TRPC6: variants seen among roughly 807,000 people sequenced by gnomAD.
TRPC6 encodes the protein short transient receptor potential channel 6.
Under a neutral mutation model 90.7 loss-of-function variants are expected in TRPC6, and 55 were observed. That is an observed-to-expected ratio of 0.61 (90% CI 0.49 to 0.76). The LOEUF (loss-of-function observed/expected upper bound fraction) is 0.76, where lower values mean the gene tolerates loss of function less well. TRPC6 is among the 30% of genes least tolerant of loss of function. The pLI is 0.00. For synonymous variants in TRPC6, 393 were observed against 393.0 expected, an observed-to-expected ratio of 1.00 and a Z score of 0.00; for missense variants, 989 against 1,122.7, an observed-to-expected ratio of 0.88 and a Z score of 1.70.
intron 1 of TRPC6, among the ~76,000 whole-genome samples, chr11:101,572,856 CA>C (rs1476623471): frequency 6.6e-6 from 1 of 151,974 alleles, no homozygotes; most frequent in East Asian, 1.9e-4. Flanking sequence ...TGGGGCCTTT[CA>C]GGGGGTGAGG....
intron 1 of TRPC6, among the ~76,000 whole-genome samples, chr11:101,553,551 C>G (rs75573205): frequency 0.017 from 2,562 of 152,120 alleles, 36 homozygotes; most frequent in Non-Finnish European, 0.022. Context: ...AATGTTAGTC[C>G]CGTGCCTTTG....
At chr11:101,515,257 C>T (rs1359970950) in intron 1 of TRPC6, among the ~76,000 whole-genome samples, 1 of 152,168 alleles carries the variant, frequency 6.6e-6, no homozygotes, top group East Asian at 1.9e-4. Context: ...ACATCTGCAC[C>T]ATGTGTCCAA....
chr11:101,451,687 G>C lies in TRPC6; in HGVS notation c.*1268C>G, dbSNP rs1211100417. ...TGATCTGGTTACATAAATGTTCTTT[G>C]ATTTAAATTAAGCCAAAGTTGGAGC... On this transcript the variant is annotated 3_prime_UTR_variant, in exon 13 of 13. Coordinates refer to ENST00000344327, the MANE Select transcript of TRPC6 (RefSeq NM_004621.6). 1 of 152,076 alleles carries C rather than the reference G, an allele frequency of 6.6e-6. No individual in the cohort carries two copies. 9.4% of individuals were successfully genotyped at this position (152,076 alleles called of 1,614,324 possible).
chr11:101,504,720 T>C lies in TRPC6; in HGVS notation c.249A>G (p.Gly83=), dbSNP rs1213187189. The C allele has an allele frequency of 1.3e-6, 2 of 1,594,142 alleles. No individual in the cohort carries two copies. The highest frequency in any genetic ancestry group is 2.2e-5 in the East Asian group (1 of 44,738). The part of the protein sequence containing the change: ...REKGRRLANR[G]PAYMFSDRST... ...AGCGATCACTAAACATGTATGCTGG[T>C]CCTCGATTAGCTAACCTTCTCCCCT... Residue 83 remains glycine (G), a synonymous_variant, in exon 2 of 13, where the codon GGA becomes GGG. Coordinates refer to ENST00000344327, the MANE Select transcript of TRPC6 (RefSeq NM_004621.6).
At position 101,491,240 on chromosome 11, in the gene TRPC6, A is replaced by G. The variant is rs371037192; in HGVS notation, c.1128+316T>C. 2.9e-3 allele frequency: 880 copies of G among 305,226 alleles called. 11 individuals are homozygous for G. Among genetic ancestry groups the G allele is most frequent in the South Asian group, 0.017 (582 of 33,854 alleles). The allele number at this position is 305,226 out of a possible 1,614,324, so 18.9% of individuals were successfully genotyped here. ...GGCGGGCGGATCACAAGGTCAGGAG[A>G]TAGAGACCACGGTGAAACCCCGTCT... On this transcript the variant is annotated intron_variant, in intron 3 of 12. Transcript: ENST00000344327.
intron 4 of TRPC6, among the ~76,000 whole-genome samples, chr11:101,485,126 T>TACACACACAC (rs10639907): frequency 0.016 from 2,287 of 143,914 alleles, 40 homozygotes; most frequent in African/African-American, 0.041. Context: ...GGCCAAAGAA[T>TACACACACAC]ACACACACAC....
chr11:101,460,976 GA>G (rs1349181641), intron 10 of TRPC6, among the ~76,000 whole-genome samples: 1 of 152,056 alleles, frequency 6.6e-6, no homozygotes, highest in African/African-American at 2.4e-5. Context: ...ATTACTAGCT[GA>G]AATGTCACCC....
intron 4 of TRPC6, among the ~76,000 whole-genome samples, chr11:101,485,406 T>C (rs998772006): frequency 2.0e-5 from 3 of 152,122 alleles, no homozygotes; most frequent in Admixed American, 6.5e-5. Context: ...TTTTTAAATA[T>C]AAATAGTTAA....
At chr11:101,557,083 T>A (rs1378736059) in intron 1 of TRPC6, among the ~76,000 whole-genome samples, 2 of 152,122 alleles carry the variant, frequency 1.3e-5, no homozygotes, top group Non-Finnish European at 2.9e-5. Context: ...TGGCTGGGCA[T>A]GGTGGCTCAT....
At chr11:101,476,740 A>C (rs952585612) in intron 5 of TRPC6, among the ~76,000 whole-genome samples, 7 of 152,184 alleles carry the variant, frequency 4.6e-5, no homozygotes, top group Non-Finnish European at 1.0e-4. Context: ...AATTTGACAA[A>C]GTTCATTGAA....
intron 1 of TRPC6, among the ~76,000 whole-genome samples, chr11:101,528,286 C>T (rs1165815113): frequency 6.6e-6 from 1 of 152,102 alleles, no homozygotes; most frequent in Non-Finnish European, 1.5e-5. Context: ...TTGTCTGCCA[C>T]ATTGGACCTG....
At chr11:101,519,838 A>T (rs950409385) in intron 1 of TRPC6, 1 of 153,374 alleles carries the variant, frequency 6.5e-6, no homozygotes, top group African/African-American at 2.4e-5. Flanking sequence ...AGGGGGTCAG[A>T]GAGTTAAGAT....
At chr11:101,488,190 T>C (rs1194971226) in intron 4 of TRPC6, among the ~76,000 whole-genome samples, 1 of 152,196 alleles carries the variant, frequency 6.6e-6, no homozygotes, top group African/African-American at 2.4e-5. Flanking sequence ...ACGTGAAGAA[T>C]AGGCTTGTTA....
chr11:101,468,654 A>C (rs1859208778), intron 10 of TRPC6, among the ~76,000 whole-genome samples: 1 of 152,170 alleles, frequency 6.6e-6, no homozygotes, highest in Non-Finnish European at 1.5e-5. Context: ...CTTGAATCTG[A>C]CTATGACAAA....
chr11:101,518,482 T>C (rs960042714), intron 1 of TRPC6, among the ~76,000 whole-genome samples: 1 of 152,134 alleles, frequency 6.6e-6, no homozygotes, highest in Non-Finnish European at 1.5e-5. Context: ...TGCCAATCAA[T>C]ACTACAATGA....
chr11:101,492,090 C>T (rs10895117), intron 2 of TRPC6, among the ~76,000 whole-genome samples: 59,252 of 151,480 alleles, frequency 0.39, 12,392 homozygotes, highest in African/African-American at 0.56. Context: ...CCGCCCGCCT[C>T]GGCCTCCCAA....
intron 5 of TRPC6, among the ~76,000 whole-genome samples, chr11:101,480,000 G>A (rs1859513427): frequency 6.6e-6 from 1 of 152,106 alleles, no homozygotes; most frequent in African/African-American, 2.4e-5. Context: ...CCAACATGGA[G>A]AAACCCCATC....
intron 1 of TRPC6, among the ~76,000 whole-genome samples, chr11:101,582,599 C>T (rs1345423075): frequency 6.6e-6 from 1 of 151,828 alleles, no homozygotes; most frequent in Admixed American, 6.6e-5. Flanking sequence ...TAAACAAAAG[C>T]TTGCAGTTAC....
At chr11:101,524,891 C>T (rs1441298047) in intron 1 of TRPC6, among the ~76,000 whole-genome samples, 1 of 152,156 alleles carries the variant, frequency 6.6e-6, no homozygotes, top group Non-Finnish European at 1.5e-5. Flanking sequence ...TACATTTTTC[C>T]TTGATACAAA....
Sources: gnomAD v4.1 joint callset for allele counts (sites outside exome capture counted in the v4.1 genomes callset) on GRCh38, gnomAD v4.1.1 for gene constraint, MANE v1.5 for transcripts, NCBI Gene and HGNC (gene_info 2026-07-23, HGNC 2026-07-21) for gene names.